The following SBF2 variants were observed in gnomAD, a reference collection of about 807,000 sequenced individuals.
SBF2 encodes myotubularin-related protein 13.
In SBF2, 112 loss-of-function variants were observed where a neutral mutation model predicts 225.2. The observed-to-expected ratio is 0.50, with a 90% CI of 0.43 to 0.58. SBF2 has a LOEUF of 0.58. Ranked by LOEUF, SBF2 falls within the 20% of genes least tolerant of loss-of-function variation. The pLI is 0.00. For missense variants in SBF2, 1,996 were observed against 2,206.2 expected (o/e 0.90, Z 1.91); for synonymous variants, 763 against 773.3 (o/e 0.99, Z 0.22).
At chr11:9,919,833 G>A (rs1003533605) in intron 16 of SBF2, among the ~76,000 whole-genome samples, 1 of 152,130 alleles carries the variant, frequency 6.6e-6, no homozygotes, top group African/African-American at 2.4e-5. Context: ...CCAGGTTCAA[G>A]TAATTCTCCT....
At chr11:10,126,449 A>G (rs12575719) in intron 2 of SBF2, among the ~76,000 whole-genome samples, 5,279 of 152,230 alleles carry the variant, frequency 0.035, 310 homozygotes, top group East Asian at 0.17. Context: ...ATCAAGAAGG[A>G]AAGAGGAAGG....
At chr11:10,026,031 T>TC (rs1491464037) in intron 6 of SBF2, among the ~76,000 whole-genome samples, 22 of 109,666 alleles carry the variant, frequency 2.0e-4, no homozygotes, top group African/African-American at 6.0e-4. Context: ...TCTACAGTAG[T>TC]TTTTTTTTTT....
intron 22 of SBF2, among the ~76,000 whole-genome samples, chr11:9,849,038 G>C (rs1856741685): frequency 6.6e-6 from 1 of 152,182 alleles, no homozygotes; most frequent in Non-Finnish European, 1.5e-5. Flanking sequence ...AAAGGAGAAA[G>C]GCACTTTCGT....
intron 2 of SBF2, among the ~76,000 whole-genome samples, chr11:10,095,171 T>C (rs2134937677): frequency 6.6e-6 from 1 of 152,092 alleles, no homozygotes; most frequent in Non-Finnish European, 1.5e-5. Flanking sequence ...AATCCTCACA[T>C]CTTAGCCTCC....
At chr11:10,137,815 T>C (rs535626248) in intron 2 of SBF2, among the ~76,000 whole-genome samples, 2 of 152,074 alleles carry the variant, frequency 1.3e-5, no homozygotes, top group African/African-American at 4.8e-5. Context: ...AAGACCAGTC[T>C]AGTCAACATG....
At chr11:9,953,046 T>C (rs982974166) in intron 16 of SBF2, among the ~76,000 whole-genome samples, 4 of 152,200 alleles carry the variant, frequency 2.6e-5, no homozygotes, top group African/African-American at 9.6e-5. Context: ...AAAGAAGTCA[T>C]ACCAAAAAGA....
At chr11:10,227,315 CTTTAG>C (rs1318082278) in intron 1 of SBF2, among the ~76,000 whole-genome samples, 1 of 152,126 alleles carries the variant, frequency 6.6e-6, no homozygotes, top group Non-Finnish European at 1.5e-5. Context: ...TGCAGAAGCT[CTTTAG>C]TTTAATTAGA....
intron 2 of SBF2, among the ~76,000 whole-genome samples, chr11:10,076,883 G>A (rs1466395973): frequency 6.6e-6 from 1 of 152,210 alleles, no homozygotes; most frequent in African/African-American, 2.4e-5. Context: ...GCATGGGACT[G>A]TCCAGCCTAG....
intron 3 of SBF2, 101 bp from the exon 4 acceptor site, chr11:10,031,271 AAATT>A (rs1949246196): frequency 9.0e-7 from 1 of 1,105,386 alleles, no homozygotes; most frequent in Non-Finnish European, 1.3e-6. Context: ...TGCAAATTCA[AAATT>A]AATTATAATA....
intron 1 of SBF2, chr11:10,302,517 G>T (rs1281009839): frequency 6.6e-6 from 1 of 152,278 alleles, no homozygotes; most frequent in Non-Finnish European, 1.5e-5. Flanking sequence ...CTGATAAAGT[G>T]CATGCCAAGA....
At chr11:9,826,127 G>C (rs1042094744) in intron 28 of SBF2, among the ~76,000 whole-genome samples, 5 of 152,202 alleles carry the variant, frequency 3.3e-5, no homozygotes, top group African/African-American at 9.7e-5. Context: ...AAATTTCCTA[G>C]TTGTAACACT....
chr11:10,178,432 A>G (rs61892567), intron 2 of SBF2, among the ~76,000 whole-genome samples: 15,733 of 113,708 alleles, frequency 0.14, 1,175 homozygotes, highest in Middle Eastern at 0.18. Context: ...GAAAATTTTC[A>G]CAACCTACTC....
chr11:9,829,653 T>C (rs941646491), intron 27 of SBF2, 157 bp from the exon 28 acceptor site: 5 of 655,882 alleles, frequency 7.6e-6, no homozygotes, highest in Non-Finnish European at 1.3e-5. Flanking sequence ...CCCACTTAAA[T>C]TGCCAGTCTA....
At chr11:10,100,310 T>C (rs751882663) in intron 2 of SBF2, among the ~76,000 whole-genome samples, 4 of 152,340 alleles carry the variant, frequency 2.6e-5, no homozygotes, top group East Asian at 3.9e-4. Context: ...GGTGAACCTG[T>C]TGGGCAGTTA....
At chr11:10,017,338 A>G (rs1161129724) in intron 6 of SBF2, among the ~76,000 whole-genome samples, 4 of 152,236 alleles carry the variant, frequency 2.6e-5, no homozygotes, top group Non-Finnish European at 4.4e-5. Flanking sequence ...TAGTTCAAAA[A>G]GCCCTGCACA....
rs768611811 is a variant in SBF2 at position 9,829,337 on chromosome 11, A to C, written c.3793+19T>G. 6 of 1,613,586 alleles carry C rather than the reference A, an allele frequency of 3.7e-6. No homozygotes were observed. The highest frequency in any genetic ancestry group is 5.1e-6 in the Non-Finnish European group (6 of 1,179,538). On this transcript the variant is annotated intron_variant, in intron 28 of 39. Transcript: ENST00000256190. ...TTTCATTAGAAGCTGTCAAGAAGAA[A>C]AGTATTATCAAATCTTACCTGGAGA...
chr11:9,975,225 G>C (rs1019026468), intron 13 of SBF2, among the ~76,000 whole-genome samples: 1 of 152,040 alleles, frequency 6.6e-6, no homozygotes, highest in African/African-American at 2.4e-5. Flanking sequence ...TGTTTGGGGT[G>C]GTTTTATTCA....
In SBF2 at chr11:9,779,260, C is replaced by T. The variant is rs1489530677; in HGVS notation, c.*1158G>A. On this transcript the variant is annotated 3_prime_UTR_variant, in exon 40 of 40. Transcript: ENST00000256190. ...CAAGGATATAGAAATCATATATACA[C>T]ATTTTTGAAATATTAGTTTAGTATT... 6.6e-6 allele frequency: 1 copy of T among 152,612 alleles called. No homozygotes were observed. Among genetic ancestry groups the T allele is most frequent in the Non-Finnish European group, 1.5e-5 (1 of 68,038 alleles). The allele number at this position is 152,612 out of a possible 1,614,324, so 9.5% of individuals were successfully genotyped here. A position where few individuals can be genotyped will look rare whatever the true frequency, so the allele number is the denominator to read the frequency against.
At chr11:10,074,818 A>T (rs1168781025) in intron 2 of SBF2, among the ~76,000 whole-genome samples, 2 of 152,172 alleles carry the variant, frequency 1.3e-5, no homozygotes, top group Non-Finnish European at 2.9e-5. Context: ...GCTTATAGCC[A>T]GGTCAATTTT....
Sources: allele counts gnomAD v4.1 joint callset (sites outside exome capture counted in the v4.1 genomes callset), GRCh38; gene constraint gnomAD v4.1.1; transcripts MANE v1.5; gene names NCBI Gene and HGNC (gene_info 2026-07-23, HGNC 2026-07-21).